The following NMT2 variants were observed in gnomAD, a reference collection of about 807,000 sequenced individuals.
The protein encoded by NMT2 is glycylpeptide N-tetradecanoyltransferase 2.
NMT2 carries 35 observed loss-of-function variants against 65.4 expected under a neutral mutation model. That is an observed-to-expected ratio of 0.54 (90% CI 0.41 to 0.71). The LOEUF (loss-of-function observed/expected upper bound fraction) is 0.71, where lower values mean the gene tolerates loss of function less well. NMT2 is among the 30% of genes least tolerant of loss of function. The pLI is 0.00. For missense variants in NMT2, 489 were observed against 611.3 expected (o/e 0.80, Z 2.11); for synonymous variants, 226 against 231.8 (o/e 0.98, Z 0.23).
intron 1 of NMT2, among the ~76,000 whole-genome samples, chr10:15,158,704 C>A (rs1313525769): frequency 2.0e-5 from 3 of 152,160 alleles, no homozygotes; most frequent in African/African-American, 7.2e-5. Context: ...TTAGTTCAGC[C>A]TGCTATTACA....
chr10:15,112,418 G>A (rs1418935697), intron 10 of NMT2, among the ~76,000 whole-genome samples: 3 of 149,642 alleles, frequency 2.0e-5, no homozygotes, highest in Non-Finnish European at 4.4e-5. Flanking sequence ...TAGTAGAGAC[G>A]AGGTTTCACC....
chr10:15,150,440 A>G (rs748191676), intron 1 of NMT2, among the ~76,000 whole-genome samples: 24 of 152,168 alleles, frequency 1.6e-4, no homozygotes, highest in Admixed American at 9.8e-4. Flanking sequence ...CAGAGCAGGA[A>G]GACACCCTTC....
At chr10:15,132,068 T>A (rs2131544647) in intron 6 of NMT2, among the ~76,000 whole-genome samples, 1 of 152,250 alleles carries the variant, frequency 6.6e-6, no homozygotes. Flanking sequence ...TTTCGCCATG[T>A]TGGCCAGGCT....
chr10:15,153,500 C>A (rs907893139), intron 1 of NMT2, among the ~76,000 whole-genome samples: 1 of 152,244 alleles, frequency 6.6e-6, no homozygotes, highest in African/African-American at 2.4e-5. Context: ...TGAGACTTAA[C>A]TTCGTTGCCT....
rs751173212 is a variant in NMT2 at position 15,135,396 on chromosome 10, T to C, written c.269A>G (p.Lys90Arg). The change falls in exon 3 of 12, where the codon AAG (lysine) becomes AGG (arginine). Residue 90 changes from lysine (K) to arginine (R), a missense_variant. By Grantham distance (26) the Lys-to-Arg change is conservative. Transcript: ENST00000378165. ...PSKNPSVPMQ[K>R]LQDIQRAMEL... Reference sequence around the variant, plus strand: ...CATTGCTCTCTGGATATCCTGCAACTTCTGCATTGGAACACTGGGATTCTA... The same window carrying C: ...CATTGCTCTCTGGATATCCTGCAACCTCTGCATTGGAACACTGGGATTCTA... 1.1e-5 allele frequency: 17 copies of C among 1,614,036 alleles called. 1 individual carries two copies. In the South Asian group the frequency reaches 1.9e-4, roughly 18 times the overall value.
At chr10:15,139,857 C>A (rs1463557113) in intron 2 of NMT2, 2 of 99,406 alleles carry the variant, frequency 2.0e-5, no homozygotes, top group African/African-American at 3.3e-5. Context: ...AGAATGGTAA[C>A]AACTACTATA....
At chr10:15,156,515 G>T (rs553675416) in intron 1 of NMT2, among the ~76,000 whole-genome samples, 19 of 152,236 alleles carry the variant, frequency 1.2e-4, no homozygotes, top group Admixed American at 1.2e-3. Flanking sequence ...TTGCATTTTT[G>T]TAAATATTTA....
chr10:15,159,441 C>G (rs1015322700), intron 1 of NMT2, among the ~76,000 whole-genome samples: 2 of 135,174 alleles, frequency 1.5e-5, no homozygotes, highest in Non-Finnish European at 3.4e-5. Context: ...GACAGAGTCT[C>G]ACTGTCGCCC....
chr10:15,139,257 T>TATC (rs1373163760), intron 2 of NMT2, among the ~76,000 whole-genome samples: 2 of 144,230 alleles, frequency 1.4e-5, no homozygotes, highest in Admixed American at 1.4e-4. Flanking sequence ...CCCCTCTATC[T>TATC]ATCTATCTAT....
intron 2 of NMT2, chr10:15,138,520 TAA>T (rs777799209): frequency 1.5e-5 from 7 of 470,156 alleles, no homozygotes; most frequent in Non-Finnish European, 3.1e-5. Flanking sequence ...CACTCCTATA[TAA>T]GAGGCAGGTA....
intron 1 of NMT2, among the ~76,000 whole-genome samples, chr10:15,149,732 T>A (rs1037054494): frequency 9.2e-5 from 14 of 152,276 alleles, no homozygotes; most frequent in African/African-American, 3.1e-4. Context: ...ATTATTATTA[T>A]TATTCCCGTT....
intron 1 of NMT2, among the ~76,000 whole-genome samples, chr10:15,151,574 TTTG>T (rs778154220): frequency 1.3e-5 from 2 of 152,224 alleles, no homozygotes; most frequent in Non-Finnish European, 2.9e-5. Flanking sequence ...GCTTTAAAAA[TTTG>T]TTATTTACAT....
At chr10:15,114,058 G>A (rs1004763831) in intron 9 of NMT2, among the ~76,000 whole-genome samples, 3 of 152,170 alleles carry the variant, frequency 2.0e-5, no homozygotes, top group African/African-American at 4.8e-5. Flanking sequence ...GGTTTTCAAA[G>A]GCTTCCGAGT....
intron 1 of NMT2, among the ~76,000 whole-genome samples, chr10:15,160,379 G>C (rs1833146616): frequency 6.6e-6 from 1 of 152,156 alleles, no homozygotes; most frequent in East Asian, 1.9e-4. Context: ...CCGGTGATGG[G>C]GCAAGTTGGC....
At chr10:15,135,997 T>C (rs11259513) in intron 2 of NMT2, among the ~76,000 whole-genome samples, 41,651 of 151,636 alleles carry the variant, frequency 0.27, 6,502 homozygotes, top group African/African-American at 0.43. Flanking sequence ...GAGGCCGAGG[T>C]GGGCAGATCA....
rs201082083 is a variant in NMT2, at chr10:15,155,000, C to T, written c.111-13443G>A. The T allele has an allele frequency of 1.0e-5, 12 of 1,185,500 alleles. No homozygotes were observed. The East Asian group carries it at 2.8e-4, about 28-fold the overall frequency. The allele number at this position is 1,185,500 out of a possible 1,614,324, so 73.4% of individuals were successfully genotyped here. A position where few individuals can be genotyped will look rare whatever the true frequency, so the allele number is the denominator to read the frequency against. On this transcript the variant is annotated intron_variant, in intron 1 of 11. Transcript: ENST00000378165. The stretch of plus-strand genomic sequence containing the variant: ...TGTTGGGTCCAGCATTTGCCATGGA[C>T]AAGATGCCAGGACCTGTATGCTTCA...
chr10:15,155,377 G>GT (rs995779385), intron 1 of NMT2: 66 of 697,696 alleles, frequency 9.5e-5, no homozygotes, highest in South Asian at 2.2e-4. Flanking sequence ...TTTTTGTTGT[G>GT]TTTTTTTAAG....
intron 8 of NMT2, among the ~76,000 whole-genome samples, chr10:15,127,469 C>A (rs1347381795): frequency 1.4e-5 from 2 of 138,764 alleles, no homozygotes; most frequent in African/African-American, 2.7e-5. Context: ...ATGGCGTGAA[C>A]CCAGGAGGTG....
rs759371040 is a variant in NMT2, at chr10:15,109,697, C to G, written c.1476+5G>C. The G allele has an allele frequency of 7.5e-6, 12 of 1,603,724 alleles. No homozygotes were observed. In the African/African-American group the frequency reaches 1.5e-4, roughly 20 times the overall value. ...GTTTACAAGGGCTATATCCATTTCA[C>G]TTACCTTTTCAGAATCTGTACCTGG... On this transcript the variant is annotated splice_donor_5th_base_variant and intron_variant, in intron 11 of 11. Coordinates refer to ENST00000378165, the MANE Select transcript of NMT2 (RefSeq NM_004808.3).
Sources: gnomAD v4.1 joint callset for allele counts (sites outside exome capture counted in the v4.1 genomes callset) on GRCh38, gnomAD v4.1.1 for gene constraint, MANE v1.5 for transcripts, NCBI Gene and HGNC (gene_info 2026-07-23, HGNC 2026-07-21) for gene names.